The following SNAPC3 variants were observed in gnomAD, a reference collection of about 807,000 sequenced individuals.
SNAPC3 encodes the protein small nuclear RNA activating complex polypeptide 3.
In SNAPC3, 56 loss-of-function variants were observed where a neutral mutation model predicts 47.7. The ratio of observed to expected loss-of-function variants is 1.18; its 90% CI spans 0.95 to 1.47. The LOEUF is 1.47. SNAPC3 is among the 40% of genes most tolerant of loss of function. The pLI, the probability that SNAPC3 is intolerant of heterozygous loss-of-function variation, is 0.00. For missense variants in SNAPC3, 665 were observed against 511.3 expected (o/e 1.30, Z -2.90); for synonymous variants, 235 against 189.9 (o/e 1.24, Z -1.95).
chr9:15,430,762 A>C (rs985958955), intron 2 of SNAPC3, among the ~76,000 whole-genome samples: 2 of 152,188 alleles, frequency 1.3e-5, no homozygotes, highest in African/African-American at 4.8e-5. Context: ...CGCTATGGGA[A>C]ATCCACACGG....
chr9:15,435,727 CT>C (rs1485346250), intron 3 of SNAPC3, among the ~76,000 whole-genome samples: 2 of 132,776 alleles, frequency 1.5e-5, no homozygotes, highest in African/African-American at 6.0e-5. Context: ...GAAACTCTGT[CT>C]AAAAAAAAAA....
intron 2 of SNAPC3, among the ~76,000 whole-genome samples, chr9:15,429,504 T>C (rs2031868415): frequency 6.6e-6 from 1 of 152,100 alleles, no homozygotes; most frequent in Non-Finnish European, 1.5e-5. Flanking sequence ...GGATAATGTG[T>C]GGGCAATAGA....
At chr9:15,428,111 CAAAA>C (rs34074367) in intron 2 of SNAPC3, among the ~76,000 whole-genome samples, 1 of 73,016 alleles carries the variant, frequency 1.4e-5, no homozygotes, top group Non-Finnish European at 2.6e-5. Flanking sequence ...ACTCTGTCTC[CAAAA>C]AAAAAAAAAA....
At chr9:15,465,506 C>G (rs770406689), downstream of SNAPC3, 2 of 1,527,534 alleles carry the variant, frequency 1.3e-6, no homozygotes, top group South Asian at 2.3e-5. Flanking sequence ...TCTCTATATT[C>G]CAGGTATGTC....
chr9:15,455,073 A>G (rs2034675949), intron 7 of SNAPC3, among the ~76,000 whole-genome samples: 1 of 152,242 alleles, frequency 6.6e-6, no homozygotes, highest in Non-Finnish European at 1.5e-5. Flanking sequence ...CCTGAATTAA[A>G]TATCTGTTTA....
At position 15,423,064 on chromosome 9, in the gene SNAPC3, C is replaced by T. The variant is rs556604793; in HGVS notation, c.185C>T (p.Ser62Leu). The T allele has an allele frequency of 2.6e-6, 4 of 1,516,530 alleles. No homozygotes were observed. In the East Asian group the frequency reaches 7.7e-5, roughly 29 times the overall value. The allele number at this position is 1,516,530 out of a possible 1,614,324, so 93.9% of individuals were successfully genotyped here. ...RGRLRGAGDL[S>L]LREPPASALP... ...CGTCTGCGCGGGGCCGGGGACTTGT[C>T]GCTGAGGGAGCCGCCGGCATCCGCT... The change falls in exon 1 of 9, where the codon TCG becomes TTG. Residue 62 changes from serine to leucine, a missense_variant. Physicochemically the swap from Ser to Leu is moderately radical, Grantham distance 145. Coordinates refer to ENST00000380821, the MANE Select transcript of SNAPC3 (RefSeq NM_001039697.2).
At chr9:15,466,672 T>G (rs1010792267), downstream of SNAPC3, 1 of 1,144,732 alleles carries the variant, frequency 8.7e-7, no homozygotes, top group African/African-American at 1.6e-5. Flanking sequence ...TATAGTAAGA[T>G]AACCTTGGAA....
In SNAPC3 at chr9:15,423,022, G is replaced by C; in HGVS notation, c.143G>C (p.Gly48Ala). 1 of 1,537,736 alleles carries C rather than the reference G, an allele frequency of 6.5e-7. No homozygotes were observed. The change falls in exon 1 of 9, where the codon GGG (glycine) becomes GCG (alanine). Residue 48 changes from glycine (G) to alanine (A), a missense_variant. Physicochemically the swap from Gly to Ala is moderately conservative, Grantham distance 60. Transcript: ENST00000380821. ...CGCGCTTTCCATGTGGGCGCCTTTG[G>C]GGAGCTGTGGCGGGGCCGTCTGCGC... Reference protein sequence around the residue: ...NTRAFHVGAFGELWRGRLRGA... With the variant: ...NTRAFHVGAFAELWRGRLRGA...
rs1029032519 is a variant in SNAPC3, at chr9:15,443,471, C to T, written c.478-1131C>T. On this transcript the variant is annotated intron_variant, in intron 3 of 8. Transcript: ENST00000380821. The stretch of plus-strand genomic sequence containing the variant: ...TGGAGCTGCCTGTGACTTTTCCAAA[C>T]GATTATTGTAGCACGTGTATTACTT... Among the ~76,000 whole-genome samples the T allele has an allele frequency of 5.3e-5, 8 of 152,038 alleles. No homozygotes were observed. The East Asian group carries it at 1.4e-3, about 26-fold the overall frequency.
intron 6 of SNAPC3, among the ~76,000 whole-genome samples, chr9:15,452,026 C>G: frequency 6.6e-6 from 1 of 152,202 alleles, no homozygotes; most frequent in East Asian, 1.9e-4. Context: ...TATGGTGGCA[C>G]GATCTCAGCT....
At chr9:15,463,016 C>G (rs1194780539), downstream of SNAPC3, 5 of 152,056 alleles carry the variant, frequency 3.3e-5, no homozygotes, top group African/African-American at 1.2e-4. Flanking sequence ...GGAACACAGA[C>G]AGCAGTACTG....
chr9:15,435,815 A>G (rs2032729862), intron 3 of SNAPC3, among the ~76,000 whole-genome samples: 1 of 140,376 alleles, frequency 7.1e-6, no homozygotes. Flanking sequence ...ATCCCATTCT[A>G]TATGTTGTCT....
intron 7 of SNAPC3, 187 bp downstream of exon 7, chr9:15,453,392 C>T: frequency 2.0e-6 from 1 of 488,192 alleles, no homozygotes; most frequent in Non-Finnish European, 3.6e-6. Flanking sequence ...TTTGCATCCT[C>T]TATTGTTCAT....
In SNAPC3 at chr9:15,451,337, CTTCTT is replaced by C; in HGVS notation, c.753_757del (p.Phe251LeufsTer3). Reference sequence around the variant, plus strand: ...TCTTGTAGGACCTATACAAATCAGCCTTCTTTTATTTTGAAGGAACATTTTATAAT... The same window carrying C: ...TCTTGTAGGACCTATACAAATCAGCCTTATTTTGAAGGAACATTTTATAAT... On this transcript the variant is annotated frameshift_variant, in exon 6 of 9. Transcript: ENST00000380821. LOFTEE classifies it high-confidence loss of function. 6.7e-7 allele frequency: 1 copy of C among 1,490,340 alleles called. No individual in the cohort carries two copies. Among genetic ancestry groups the C allele is most frequent in the Non-Finnish European group, 9.3e-7 (1 of 1,080,008 alleles). 92.3% of individuals were successfully genotyped at this position (1,490,340 alleles called of 1,614,324 possible).
In SNAPC3 at chr9:15,459,733, A is replaced by C; in HGVS notation, c.1103A>C (p.Asn368Thr). The change falls in exon 9 of 9, where the codon AAT (asparagine) becomes ACT (threonine). Residue 368 changes from asparagine (N) to threonine (T), a missense_variant. Asn to Thr is a moderately conservative substitution (Grantham distance 65). Transcript: ENST00000380821. Reference sequence around the variant, plus strand: ...AAAAACTACAGATGGGTGACGAACAATGACAGTTTTGCACCAGAGGACCCA... The same window carrying C: ...AAAAACTACAGATGGGTGACGAACACTGACAGTTTTGCACCAGAGGACCCA... ...KMYTARWVTN[N>T]DSFAPEDPCF... 6.2e-7 allele frequency: 1 copy of C among 1,613,218 alleles called. No individual in the cohort carries two copies. The highest frequency in any genetic ancestry group is 1.1e-5 in the South Asian group (1 of 90,748).
At chr9:15,439,659 C>T (rs925493263) in intron 3 of SNAPC3, among the ~76,000 whole-genome samples, 1 of 152,060 alleles carries the variant, frequency 6.6e-6, no homozygotes, top group South Asian at 2.1e-4. Flanking sequence ...CTCAGCCTCC[C>T]GAGTAGCTGG....
intron 2 of SNAPC3, among the ~76,000 whole-genome samples, chr9:15,430,806 G>A (rs1486419053): frequency 1.3e-5 from 2 of 152,108 alleles, no homozygotes; most frequent in Non-Finnish European, 2.9e-5. Context: ...GGATGAGGAA[G>A]GATTAATTCA....
At chr9:15,458,364 T>C (rs1472515611) in intron 8 of SNAPC3, among the ~76,000 whole-genome samples, 1 of 152,182 alleles carries the variant, frequency 6.6e-6, no homozygotes, top group African/African-American at 2.4e-5. Flanking sequence ...AAGAATTCTC[T>C]GATAGAATAC....
At chr9:15,444,290 G>A (rs541318099) in intron 3 of SNAPC3, among the ~76,000 whole-genome samples, 47 of 152,198 alleles carry the variant, frequency 3.1e-4, no homozygotes, top group Non-Finnish European at 5.9e-4. Flanking sequence ...AACTGGAAAT[G>A]CCAGTGTTAT....
Sources: gnomAD v4.1 joint callset for allele counts (sites outside exome capture counted in the v4.1 genomes callset) on GRCh38, gnomAD v4.1.1 for gene constraint, MANE v1.5 for transcripts, NCBI Gene and HGNC (gene_info 2026-07-23, HGNC 2026-07-21) for gene names.